Variants in OXR1 observed in about 807,000 individuals in gnomAD.
OXR1 encodes the protein oxidation resistance protein 1.
In OXR1, 41 loss-of-function variants were observed where a neutral mutation model predicts 104.6. That is an observed-to-expected ratio of 0.39 (90% CI 0.31 to 0.51). The LOEUF is 0.51. OXR1 is among the 20% of genes least tolerant of loss of function. OXR1 has a pLI of 0.77. For missense variants in OXR1, 955 were observed against 1,031.9 expected (o/e 0.93, Z 1.02); for synonymous variants, 348 against 348.4 (o/e 1.00, Z 0.01).
chr8:106,657,884 C>T (rs1387280883), intron 3 of OXR1: 41 of 1,243,496 alleles, frequency 3.3e-5, no homozygotes, highest in Admixed American at 4.2e-5. Flanking sequence ...AGCCGCCTCC[C>T]CTGGGTCAGG....
intron 3 of OXR1, among the ~76,000 whole-genome samples, chr8:106,535,372 C>T (rs945743245): frequency 2.6e-5 from 4 of 152,150 alleles, no homozygotes; most frequent in Admixed American, 2.6e-4. Context: ...AGGAGCTGGA[C>T]AGCTGCCCTA....
chr8:106,577,192 G>A (rs939028502), intron 3 of OXR1, among the ~76,000 whole-genome samples: 3 of 149,892 alleles, frequency 2.0e-5, no homozygotes, highest in South Asian at 2.1e-4. Flanking sequence ...AAAGCTATCC[G>A]TTTTTTTTGT....
At chr8:106,431,080 C>T (rs1373520401) in intron 2 of OXR1, among the ~76,000 whole-genome samples, 1 of 152,120 alleles carries the variant, frequency 6.6e-6, no homozygotes, top group Non-Finnish European at 1.5e-5. Context: ...CCTGAGCTGA[C>T]ATAGAAGTCC....
chr8:106,428,393 T>C (rs1819220165), intron 2 of OXR1, among the ~76,000 whole-genome samples: 1 of 152,206 alleles, frequency 6.6e-6, no homozygotes, highest in African/African-American at 2.4e-5. Context: ...CTCATTGACC[T>C]AGACTTGTTA....
At chr8:106,302,680 A>G (rs1452223452) in intron 1 of OXR1, among the ~76,000 whole-genome samples, 1 of 152,138 alleles carries the variant, frequency 6.6e-6, no homozygotes, top group Admixed American at 6.5e-5. Context: ...AATGACAGAG[A>G]AAAAAAGTTA....
At chr8:106,537,384 T>C (rs1028457996) in intron 3 of OXR1, among the ~76,000 whole-genome samples, 1 of 152,012 alleles carries the variant, frequency 6.6e-6, no homozygotes, top group Non-Finnish European at 1.5e-5. Flanking sequence ...GATGTAAATG[T>C]CCCAAGGCAA....
chr8:106,332,591 T>G (rs75439321), intron 1 of OXR1, among the ~76,000 whole-genome samples: 14,750 of 152,144 alleles, frequency 0.097, 811 homozygotes, highest in Middle Eastern at 0.12. Flanking sequence ...TTAATTCTTT[T>G]AAAAAATTTG....
chr8:106,747,013 A>T (rs1835450172), intron 16 of OXR1, among the ~76,000 whole-genome samples: 1 of 152,214 alleles, frequency 6.6e-6, no homozygotes. Context: ...GGGTTATTTG[A>T]TAATAAATTA....
chr8:106,574,370 C>G (rs1817680798), intron 3 of OXR1, among the ~76,000 whole-genome samples: 3 of 152,174 alleles, frequency 2.0e-5, no homozygotes, highest in Non-Finnish European at 4.4e-5. Context: ...TTCTCTCCCA[C>G]TCCAACATCT....
chr8:106,294,847 T>C (rs993736583), intron 1 of OXR1, among the ~76,000 whole-genome samples: 18 of 152,198 alleles, frequency 1.2e-4, no homozygotes, highest in Non-Finnish European at 2.6e-4. Flanking sequence ...AAAACTTAAC[T>C]CATGTGCCAC....
chr8:106,318,859 A>G (rs962919409), intron 1 of OXR1, among the ~76,000 whole-genome samples: 2 of 152,228 alleles, frequency 1.3e-5, no homozygotes, highest in African/African-American at 2.4e-5. Flanking sequence ...AGAGAAATAA[A>G]TGAATTGAAT....
intron 9 of OXR1, among the ~76,000 whole-genome samples, chr8:106,708,621 T>C (rs763904): frequency 0.16 from 23,857 of 152,210 alleles, 2,111 homozygotes; most frequent in Non-Finnish European, 0.2. Context: ...CCTATCTTTT[T>C]AAGGCTGAAT....
At chr8:106,560,378 C>T (rs1816589055) in intron 3 of OXR1, among the ~76,000 whole-genome samples, 1 of 152,298 alleles carries the variant, frequency 6.6e-6, no homozygotes, top group Non-Finnish European at 1.5e-5. Context: ...TAAATCCACC[C>T]TTAAGCCCAT....
At chr8:106,707,545 A>G (rs1831265175) in intron 9 of OXR1, 1 of 304,244 alleles carries the variant, frequency 3.3e-6, no homozygotes, top group Non-Finnish European at 5.9e-6. Flanking sequence ...CAAAGTTGTA[A>G]TCCCATCTTT....
At chr8:106,401,451 G>T (rs941829707) in intron 2 of OXR1, among the ~76,000 whole-genome samples, 1 of 152,076 alleles carries the variant, frequency 6.6e-6, no homozygotes, top group Admixed American at 6.6e-5. Flanking sequence ...AATTTTTAAG[G>T]GCCTGCACTG....
At chr8:106,488,778 T>C (rs982521472) in intron 2 of OXR1, among the ~76,000 whole-genome samples, 1 of 148,346 alleles carries the variant, frequency 6.7e-6, no homozygotes, top group Non-Finnish European at 1.5e-5. Flanking sequence ...GTTCCATTGA[T>C]CTATATCTCT....
chr8:106,577,342 C>G (rs4286919), intron 3 of OXR1, among the ~76,000 whole-genome samples: 1 of 140,014 alleles, frequency 7.1e-6, no homozygotes, highest in African/African-American at 2.7e-5. Flanking sequence ...TCCCGAGTAG[C>G]TGGGATTACA....
chr8:106,432,548 A>G (rs1230064690), intron 2 of OXR1, among the ~76,000 whole-genome samples: 2 of 152,036 alleles, frequency 1.3e-5, no homozygotes, highest in African/African-American at 4.8e-5. Flanking sequence ...GTTGCTTACA[A>G]CCTGCATTTG....
chr8:106,701,372 T>C (rs1321264092), intron 7 of OXR1, among the ~76,000 whole-genome samples: 1 of 152,230 alleles, frequency 6.6e-6, no homozygotes, highest in Non-Finnish European at 1.5e-5. Context: ...TCTGTAGATT[T>C]ACTTTTTATT....
Sources: gnomAD v4.1 joint callset for allele counts (sites outside exome capture counted in the v4.1 genomes callset) on GRCh38, gnomAD v4.1.1 for gene constraint, MANE v1.5 for transcripts, NCBI Gene and HGNC (gene_info 2026-07-23, HGNC 2026-07-21) for gene names.